PDE8B: variants seen among roughly 807,000 people sequenced by gnomAD.
PDE8B encodes phosphodiesterase 8B.
Under a neutral mutation model 101.3 loss-of-function variants are expected in PDE8B, and 26 were observed. The ratio of observed to expected loss-of-function variants is 0.26; its 90% CI spans 0.19 to 0.36. The LOEUF is 0.36. PDE8B is among the 10% of genes least tolerant of loss of function. PDE8B has a pLI of 1.00. For synonymous variants in PDE8B, 424 were observed against 429.3 expected (o/e 0.99, Z 0.15); for missense variants, 810 against 1,163.1 (o/e 0.70, Z 4.42).
the PDE8B span, among the ~76,000 whole-genome samples, chr5:77,177,851 G>T: frequency 6.6e-6 from 1 of 152,198 alleles, no homozygotes; most frequent in African/African-American, 2.4e-5. Flanking sequence ...TATCAGAATG[G>T]CATGCAATTT....
intron 6 of PDE8B, among the ~76,000 whole-genome samples, chr5:77,342,381 C>A (rs1422978104): frequency 6.6e-6 from 1 of 152,166 alleles, no homozygotes; most frequent in Non-Finnish European, 1.5e-5. Context: ...AAAGTTGCCT[C>A]AGGTCGCATA....
chr5:77,377,853 G>A (rs996537231), intron 10 of PDE8B, among the ~76,000 whole-genome samples: 8 of 152,200 alleles, frequency 5.3e-5, no homozygotes, highest in South Asian at 2.1e-4. Context: ...CGGTGCTCCC[G>A]GCTCTCAGGC....
intron 1 of PDE8B, among the ~76,000 whole-genome samples, chr5:77,249,360 A>T (rs901734026): frequency 2.6e-5 from 4 of 152,224 alleles, no homozygotes; most frequent in Admixed American, 1.3e-4. Flanking sequence ...ATTCAAGCTC[A>T]AGAGAGGTTG....
At chr5:77,188,972 A>C in the PDE8B span, among the ~76,000 whole-genome samples, 1 of 152,146 alleles carries the variant, frequency 6.6e-6, no homozygotes, top group Non-Finnish European at 1.5e-5. Context: ...AAACACCTAG[A>C]TGGCCTCTTG....
the PDE8B span, among the ~76,000 whole-genome samples, chr5:77,135,473 ATTTT>A: frequency 8.2e-6 from 1 of 121,532 alleles, no homozygotes. Context: ...AGCCAGAGGA[ATTTT>A]TTTTTTTTTT....
intron 1 of PDE8B, among the ~76,000 whole-genome samples, chr5:77,276,511 G>A (rs1763878729): frequency 1.3e-5 from 2 of 152,164 alleles, no homozygotes; most frequent in South Asian, 4.1e-4. Flanking sequence ...GCACCCAGTG[G>A]AGTCTTCAAT....
chr5:77,102,446 T>C, the PDE8B span, among the ~76,000 whole-genome samples: 3 of 152,208 alleles, frequency 2.0e-5, no homozygotes, highest in Non-Finnish European at 4.4e-5. Flanking sequence ...AAAATGAAGA[T>C]TTCAATAGTC....
chr5:77,278,746 G>A (rs565229997), intron 1 of PDE8B, among the ~76,000 whole-genome samples: 24 of 152,240 alleles, frequency 1.6e-4, no homozygotes, highest in African/African-American at 4.6e-4. Flanking sequence ...GACCCACCGC[G>A]CCAGGCCCAA....
At chr5:77,373,379 GT>G (rs1177029518) in intron 10 of PDE8B, among the ~76,000 whole-genome samples, 1 of 152,124 alleles carries the variant, frequency 6.6e-6, no homozygotes, top group African/African-American at 2.4e-5. Context: ...AAAGCATACA[GT>G]TTGATGAGCT....
intron 10 of PDE8B, among the ~76,000 whole-genome samples, chr5:77,357,743 C>T (rs1176187286): frequency 6.6e-6 from 1 of 152,242 alleles, no homozygotes; most frequent in Non-Finnish European, 1.5e-5. Context: ...GTTGCTTGTG[C>T]CCAGTACTAC....
chr5:77,353,684 T>TA (rs972771094), intron 10 of PDE8B, among the ~76,000 whole-genome samples: 3 of 152,148 alleles, frequency 2.0e-5, no homozygotes, highest in Non-Finnish European at 2.9e-5. Context: ...TTCCTCCAAA[T>TA]AAAAAATGTT....
At position 77,325,565 on chromosome 5, in the gene PDE8B, T is replaced by C. The variant is rs781699329; in HGVS notation, c.426T>C (p.Asp142=). Residue 142 remains aspartate (D), a synonymous_variant, in exon 3 of 22, where the codon GAT becomes GAC. Coordinates refer to ENST00000264917, the MANE Select transcript of PDE8B (RefSeq NM_003719.5). ...IQVLLIFAKE[D]SQSDGFWWAC... is the part of the protein sequence containing the mutation. ...TTTTGCTGATCTTTGCAAAGGAAGA[T>C]AGTCAGAGCGATGGCTTCTGGTGGG... 3.1e-6 allele frequency: 5 copies of C among 1,614,138 alleles called. No individual in the cohort carries two copies. Among genetic ancestry groups the C allele is most frequent in the Non-Finnish European group, 4.2e-6 (5 of 1,179,978 alleles).
intron 2 of PDE8B, among the ~76,000 whole-genome samples, chr5:77,315,478 G>A (rs750079642): frequency 1.5e-4 from 23 of 152,088 alleles, no homozygotes; most frequent in Non-Finnish European, 3.1e-4. Context: ...GTTGCAGCTT[G>A]TTTGGTGGCC....
At chr5:77,199,591 T>G in the PDE8B span, among the ~76,000 whole-genome samples, 1 of 152,184 alleles carries the variant, frequency 6.6e-6, no homozygotes, top group Admixed American at 6.5e-5. Flanking sequence ...ATGCAGTACA[T>G]GTAGCATTAG....
intron 4 of PDE8B, 45 bp downstream of exon 4, chr5:77,329,102 C>T: frequency 6.7e-7 from 1 of 1,483,262 alleles, no homozygotes; most frequent in Non-Finnish European, 9.4e-7. Context: ...ACTGTTCATT[C>T]TGAAATATTT....
intron 1 of PDE8B, among the ~76,000 whole-genome samples, chr5:77,301,522 C>A (rs1360269586): frequency 6.6e-6 from 1 of 152,220 alleles, no homozygotes; most frequent in Non-Finnish European, 1.5e-5. Flanking sequence ...GGTTTTTCCA[C>A]AGTCTGGATA....
the PDE8B span, among the ~76,000 whole-genome samples, chr5:77,134,866 C>T: frequency 6.6e-6 from 1 of 152,192 alleles, no homozygotes; most frequent in East Asian, 1.9e-4. Flanking sequence ...CTAAGTATTT[C>T]CTCAAGAAGA....
intron 10 of PDE8B, among the ~76,000 whole-genome samples, chr5:77,383,265 G>A (rs576604823): frequency 1.1e-3 from 165 of 152,176 alleles, no homozygotes; most frequent in African/African-American, 3.6e-3. Context: ...CATATCCTTC[G>A]CCCACTTGTT....
rs1371172925 is a variant in PDE8B at position 77,378,038 on chromosome 5, ACACACACAC to A, written c.1168-22209_1168-22201del. Among the ~76,000 whole-genome samples, 47 of 136,882 alleles carry A rather than the reference ACACACACAC, an allele frequency of 3.4e-4. 1 individual carries two copies. Among genetic ancestry groups the A allele is most frequent in the East Asian group, 6.0e-4 (3 of 4,972 alleles). 89.8% of individuals were successfully genotyped at this position (136,882 alleles called of 152,430 possible). A position where few individuals can be genotyped will look rare whatever the true frequency, so the allele number is the denominator to read the frequency against. ...CACACACACACACACACACACACAC[ACACACACAC>A]ACCCCCTGTTGGTTCTTTGTCTAGA... is the stretch of plus-strand genomic sequence containing the variant. On this transcript the variant is annotated intron_variant, in intron 10 of 21. Coordinates refer to ENST00000264917, the MANE Select transcript of PDE8B (RefSeq NM_003719.5).
Sources: gnomAD v4.1 joint callset for allele counts (sites outside exome capture counted in the v4.1 genomes callset) on GRCh38, gnomAD v4.1.1 for gene constraint, MANE v1.5 for transcripts, NCBI Gene and HGNC (gene_info 2026-07-23, HGNC 2026-07-21) for gene names.